Variants in UBE3D observed in about 807,000 individuals in gnomAD.
UBE3D encodes the protein E3 ubiquitin-protein ligase E3D.
A neutral mutation model predicts 49.6 loss-of-function variants in UBE3D; 48 were observed. The observed-to-expected ratio is 0.97, with a 90% CI of 0.77 to 1.23. The LOEUF is 1.23. Ranked by LOEUF, UBE3D falls within the 50% of genes most tolerant of loss-of-function variation. UBE3D has a pLI of 0.00. For synonymous variants in UBE3D, 189 were observed against 174.2 expected (o/e 1.08, Z -0.67); for missense variants, 452 against 468.4 (o/e 0.96, Z 0.32).
intron 8 of UBE3D, among the ~76,000 whole-genome samples, chr6:82,995,344 T>C (rs1582583271): frequency 6.6e-6 from 1 of 152,216 alleles, no homozygotes; most frequent in Admixed American, 6.5e-5. Context: ...TTAAACATGA[T>C]ACAAAAGCAA....
At chr6:83,036,701 G>T (rs2127801283) in intron 5 of UBE3D, 1 of 151,868 alleles carries the variant, frequency 6.6e-6, no homozygotes, top group Non-Finnish European at 1.5e-5. Flanking sequence ...TTGACTGTAG[G>T]ATGAGTGAAT....
chr6:82,917,293 A>G (rs1469825430), intron 9 of UBE3D, among the ~76,000 whole-genome samples: 2 of 152,178 alleles, frequency 1.3e-5, no homozygotes, highest in Non-Finnish European at 2.9e-5. Flanking sequence ...GCTAGACATG[A>G]ACAGGAGGGG....
intron 8 of UBE3D, among the ~76,000 whole-genome samples, chr6:82,964,547 G>C (rs1776774016): frequency 1.3e-5 from 2 of 152,096 alleles, no homozygotes; most frequent in South Asian, 4.1e-4. Flanking sequence ...AGAAAGCAAA[G>C]AGCCTATTAA....
Position 83,019,139 on chromosome 6 carries a change from A to G in UBE3D, c.847-3T>C. 6.2e-7 allele frequency: 1 copy of G among 1,610,596 alleles called. No individual in the cohort carries two copies. The highest frequency in any genetic ancestry group is 8.5e-7 in the Non-Finnish European group (1 of 1,178,598). ...CTGTCTGAATTTAAAAGCCATAGCT[A>G]AAGATGTGAAGAGAAAGTCCAAGTA... is the stretch of plus-strand genomic sequence containing the variant. On this transcript the variant is annotated splice_region_variant and splice_polypyrimidine_tract_variant and intron_variant, in intron 7 of 9. Transcript: ENST00000369747.
At chr6:82,929,416 T>C (rs992530188) in intron 9 of UBE3D, among the ~76,000 whole-genome samples, 8 of 152,224 alleles carry the variant, frequency 5.3e-5, no homozygotes, top group African/African-American at 1.9e-4. Context: ...ACTGAAGATT[T>C]CCTATTTTTT....
At chr6:82,977,091 G>A (rs1777774992) in intron 8 of UBE3D, among the ~76,000 whole-genome samples, 1 of 134,290 alleles carries the variant, frequency 7.4e-6, no homozygotes, top group African/African-American at 2.9e-5. Flanking sequence ...TCCAGCCTGG[G>A]TGATAGAGCA....
intron 8 of UBE3D, among the ~76,000 whole-genome samples, chr6:82,998,767 A>T (rs1202775578): frequency 6.6e-6 from 1 of 152,210 alleles, no homozygotes; most frequent in Non-Finnish European, 1.5e-5. Flanking sequence ...AAAACAGGCC[A>T]CACAGATTCT....
chr6:82,931,188 T>G (rs1358372453), intron 9 of UBE3D, among the ~76,000 whole-genome samples: 1 of 152,228 alleles, frequency 6.6e-6, no homozygotes, highest in African/African-American at 2.4e-5. Flanking sequence ...AGTCAAGAAC[T>G]GAACTTTGCG....
intron 8 of UBE3D, among the ~76,000 whole-genome samples, chr6:82,965,801 T>C (rs550558910): frequency 3.9e-5 from 6 of 152,164 alleles, no homozygotes; most frequent in African/African-American, 7.2e-5. Flanking sequence ...TGAACCCATG[T>C]ACCCAAGACC....
downstream of UBE3D, among the ~76,000 whole-genome samples, chr6:82,889,927 G>C (rs1049118333): frequency 2.0e-5 from 3 of 151,004 alleles, no homozygotes; most frequent in African/African-American, 7.3e-5. Flanking sequence ...CTTTATACTA[G>C]ATAAAAACAA....
At chr6:82,912,805 A>G (rs990266161) in intron 9 of UBE3D, among the ~76,000 whole-genome samples, 1 of 152,186 alleles carries the variant, frequency 6.6e-6, no homozygotes, top group Non-Finnish European at 1.5e-5. Flanking sequence ...GGTTCCTCCA[A>G]TGTGTCAGGC....
intron 3 of UBE3D, among the ~76,000 whole-genome samples, chr6:83,048,529 G>C (rs1407317640): frequency 3.9e-5 from 6 of 152,068 alleles, no homozygotes; most frequent in Non-Finnish European, 4.4e-5. Flanking sequence ...TACATGATCA[G>C]GGAAATAAAA....
chr6:82,902,052 T>A (rs1771777171), intron 9 of UBE3D, among the ~76,000 whole-genome samples: 1 of 152,208 alleles, frequency 6.6e-6, no homozygotes, highest in African/African-American at 2.4e-5. Context: ...CTACATTCTT[T>A]TCTAAATCTA....
At chr6:83,053,406 T>A (rs1783599611) in intron 3 of UBE3D, among the ~76,000 whole-genome samples, 1 of 152,220 alleles carries the variant, frequency 6.6e-6, no homozygotes, top group Non-Finnish European at 1.5e-5. Flanking sequence ...CTTTAAATAG[T>A]ATTAACAATA....
intron 8 of UBE3D, among the ~76,000 whole-genome samples, chr6:82,973,874 A>G (rs9444024): frequency 0.15 from 22,816 of 152,052 alleles, 1,956 homozygotes; most frequent in African/African-American, 0.24. Context: ...TTAGATTCTC[A>G]TAAGAGCCTG....
At chr6:82,985,034 G>A (rs1420883697) in intron 8 of UBE3D, among the ~76,000 whole-genome samples, 2 of 13,942 alleles carry the variant, frequency 1.4e-4, no homozygotes, top group Middle Eastern at 0.019. Context: ...TTTTTTTTTG[G>A]TAGAGAGGAG....
intron 8 of UBE3D, among the ~76,000 whole-genome samples, chr6:83,011,095 G>A (rs534545492): frequency 6.6e-6 from 1 of 151,908 alleles, no homozygotes; most frequent in Non-Finnish European, 1.5e-5. Context: ...TTCATACAAC[G>A]GAAATGCACC....
intron 8 of UBE3D, among the ~76,000 whole-genome samples, chr6:82,984,986 T>A (rs1778363535): frequency 6.7e-6 from 1 of 149,860 alleles, no homozygotes; most frequent in Admixed American, 6.8e-5. Context: ...GTTTTTAAAT[T>A]TTTTTCTTTC....
At chr6:83,017,080 G>C (rs1285873697) in intron 8 of UBE3D, 2 of 152,106 alleles carry the variant, frequency 1.3e-5, no homozygotes, top group African/African-American at 2.4e-5. Context: ...ATCTAATCAA[G>C]TTGATGCTTA....
Sources: gnomAD v4.1 joint callset for allele counts (sites outside exome capture counted in the v4.1 genomes callset) on GRCh38, gnomAD v4.1.1 for gene constraint, MANE v1.5 for transcripts, NCBI Gene and HGNC (gene_info 2026-07-23, HGNC 2026-07-21) for gene names.